The following KCMF1 variants were observed in gnomAD, a reference collection of about 807,000 sequenced individuals.
KCMF1 encodes E3 ubiquitin-protein ligase KCMF1.
Under a neutral mutation model 41.1 loss-of-function variants are expected in KCMF1, and 3 were observed. That is an observed-to-expected ratio of 0.07 (90% CI 0.03 to 0.19). The LOEUF is 0.19. Ranked by LOEUF, KCMF1 falls within the 10% of genes least tolerant of loss-of-function variation. The pLI is 1.00. For synonymous variants in KCMF1, 142 were observed against 164.5 expected, an observed-to-expected ratio of 0.86 and a Z score of 1.04; for missense variants, 286 against 488.9, an observed-to-expected ratio of 0.58 and a Z score of 3.91.
chr2:85,024,622 GAA>G (rs1456500213), intron 1 of KCMF1, among the ~76,000 whole-genome samples: 2 of 151,794 alleles, frequency 1.3e-5, no homozygotes, highest in Non-Finnish European at 2.9e-5. Flanking sequence ...GTGTGTGTGA[GAA>G]AGAGAAAGAT....
intron 5 of KCMF1, among the ~76,000 whole-genome samples, chr2:85,047,037 A>T (rs1277445069): frequency 6.6e-6 from 1 of 152,198 alleles, no homozygotes; most frequent in African/African-American, 2.4e-5. Context: ...TATGTATAGG[A>T]AAAAACATAG....
chr2:85,011,675 G>GCTGAC (rs746827062), intron 1 of KCMF1, among the ~76,000 whole-genome samples: 5 of 152,184 alleles, frequency 3.3e-5, no homozygotes, highest in Non-Finnish European at 7.3e-5. Context: ...CCAGAAAGAT[G>GCTGAC]CTGACCTCTT....
At chr2:85,047,346 G>A (rs1675693110) in intron 5 of KCMF1, among the ~76,000 whole-genome samples, 1 of 152,134 alleles carries the variant, frequency 6.6e-6, no homozygotes, top group Admixed American at 6.5e-5. Flanking sequence ...AACATGTTAT[G>A]TGTAAAATTC....
At chr2:84,974,760 C>T (rs1673502893) in intron 1 of KCMF1, among the ~76,000 whole-genome samples, 1 of 115,552 alleles carries the variant, frequency 8.7e-6, no homozygotes, top group Non-Finnish European at 1.6e-5. Flanking sequence ...GGCTAGGGTG[C>T]AGTGGCGTGA....
chr2:85,038,299 C>T (rs1002055307), intron 3 of KCMF1, among the ~76,000 whole-genome samples: 1 of 152,164 alleles, frequency 6.6e-6, no homozygotes, highest in Admixed American at 6.5e-5. Context: ...TCTAGTTGAA[C>T]AGTATGCTCA....
At position 85,059,156 on chromosome 2, in the gene KCMF1, C is replaced by T. The variant is rs1203638472; in HGVS notation, c.*5747C>T. On this transcript the variant is annotated 3_prime_UTR_variant, in exon 7 of 7. Coordinates refer to ENST00000409785, the MANE Select transcript of KCMF1 (RefSeq NM_020122.5). Reference sequence around the variant, plus strand: ...CCTTGAATCCATTTAATTTTGCCCACGAGAACCTTTCATGACAATTAACAA... The same window carrying T: ...CCTTGAATCCATTTAATTTTGCCCATGAGAACCTTTCATGACAATTAACAA... The T allele has an allele frequency of 2.0e-5, 3 of 152,120 alleles. No individual in the cohort carries two copies. The highest frequency in any genetic ancestry group is 4.4e-5 in the Non-Finnish European group (3 of 68,020). The allele number at this position is 152,120 out of a possible 1,614,324, so 9.4% of individuals were successfully genotyped here. A position where few individuals can be genotyped will look rare whatever the true frequency, so the allele number is the denominator to read the frequency against.
chr2:85,041,315 A>AT (rs1675528573), intron 3 of KCMF1, among the ~76,000 whole-genome samples: 2 of 152,182 alleles, frequency 1.3e-5, no homozygotes, highest in Non-Finnish European at 2.9e-5. Flanking sequence ...AAGGATCTTG[A>AT]TTTTATTTTA....
At position 85,053,628 on chromosome 2, in the gene KCMF1, T is replaced by C; in HGVS notation, c.*219T>C. 1.9e-6 allele frequency: 1 copy of C among 520,024 alleles called. No individual in the cohort carries two copies. The highest frequency in any genetic ancestry group is 3.4e-6 in the Non-Finnish European group (1 of 297,192). The allele number at this position is 520,024 out of a possible 1,614,324, so 32.2% of individuals were successfully genotyped here. A position where few individuals can be genotyped will look rare whatever the true frequency, so the allele number is the denominator to read the frequency against. On this transcript the variant is annotated 3_prime_UTR_variant, in exon 7 of 7. Transcript: ENST00000409785. ...AATGTAGGTAGCAGTGCAGGGGTGA[T>C]CTCTGCTTCCTGTACCTTGACATGC...
At chr2:84,974,028 A>G (rs1219330928) in intron 1 of KCMF1, among the ~76,000 whole-genome samples, 1 of 151,298 alleles carries the variant, frequency 6.6e-6, no homozygotes, top group African/African-American at 2.4e-5. Flanking sequence ...GGGTTTCATC[A>G]TGTTGGTCAG....
chr2:85,049,444 TACA>T lies in KCMF1; in HGVS notation c.686_688del (p.Gln229del). The T allele has an allele frequency of 6.2e-7, 1 of 1,614,030 alleles. No homozygotes were observed. Among genetic ancestry groups the T allele is most frequent in the Non-Finnish European group, 8.5e-7 (1 of 1,179,890 alleles). The stretch of plus-strand genomic sequence containing the variant: ...TCCTCTGGCCCTTCCGCTTCTCAGT[TACA>T]ACAACTGCAGATGCAGCTGCAGCTA... On this transcript the variant is annotated inframe_deletion, in exon 6 of 7. Coordinates refer to ENST00000409785, the MANE Select transcript of KCMF1 (RefSeq NM_020122.5).
At chr2:85,032,555 T>C (rs1396021379) in intron 2 of KCMF1, among the ~76,000 whole-genome samples, 1 of 152,060 alleles carries the variant, frequency 6.6e-6, no homozygotes, top group Non-Finnish European at 1.5e-5. Context: ...TTTTGTATTT[T>C]TAGTAGAGAC....
chr2:85,048,328 T>G (rs1425247683), intron 5 of KCMF1, among the ~76,000 whole-genome samples: 1 of 152,176 alleles, frequency 6.6e-6, no homozygotes, highest in African/African-American at 2.4e-5. Context: ...CACTAAAAAT[T>G]AAAGTAGTTT....
intron 1 of KCMF1, among the ~76,000 whole-genome samples, chr2:85,004,056 G>T (rs191290512): frequency 6.6e-6 from 1 of 152,228 alleles, no homozygotes; most frequent in East Asian, 1.9e-4. Flanking sequence ...GCACAGATAC[G>T]CCAAGCAAAG....
chr2:85,041,158 A>C (rs1390697599), intron 3 of KCMF1, among the ~76,000 whole-genome samples: 2 of 152,082 alleles, frequency 1.3e-5, no homozygotes, highest in African/African-American at 4.8e-5. Flanking sequence ...GTAGTTATGG[A>C]AGTTTGGTTG....
At chr2:84,976,811 G>A (rs1267576372) in intron 1 of KCMF1, among the ~76,000 whole-genome samples, 1 of 151,968 alleles carries the variant, frequency 6.6e-6, no homozygotes, top group Non-Finnish European at 1.5e-5. Context: ...TTTTTAAAAT[G>A]TAAAATACAA....
intron 1 of KCMF1, among the ~76,000 whole-genome samples, chr2:85,020,191 G>T (rs539045328): frequency 2.1e-4 from 32 of 152,236 alleles, no homozygotes; most frequent in African/African-American, 7.2e-4. Flanking sequence ...TTGCCAGTAG[G>T]CATCCCCACC....
At position 85,056,812 on chromosome 2, in the gene KCMF1, T is replaced by C. The variant is rs1200532598; in HGVS notation, c.*3403T>C. On this transcript the variant is annotated 3_prime_UTR_variant, in exon 7 of 7. Coordinates refer to ENST00000409785, the MANE Select transcript of KCMF1 (RefSeq NM_020122.5). ...AAGCCCTGCAGCCGTGTTTACTATA[T>C]ATGACATGCCTGTTTCTTAGTTTGC... The C allele has an allele frequency of 6.6e-6, 1 of 152,242 alleles. No homozygotes were observed. The highest frequency in any genetic ancestry group is 1.5e-5 in the Non-Finnish European group (1 of 68,056). 9.4% of individuals were successfully genotyped at this position (152,242 alleles called of 1,614,324 possible). A position where few individuals can be genotyped will look rare whatever the true frequency, so the allele number is the denominator to read the frequency against.
intron 1 of KCMF1, among the ~76,000 whole-genome samples, chr2:85,014,724 C>CGT (rs72066261): frequency 0.024 from 3,327 of 138,254 alleles, 82 homozygotes; most frequent in African/African-American, 0.067. Flanking sequence ...TGCGTGCGTG[C>CGT]GTGTGTGTGT....
intron 1 of KCMF1, among the ~76,000 whole-genome samples, chr2:84,996,949 G>A (rs564670945): frequency 6.6e-6 from 1 of 152,264 alleles, no homozygotes; most frequent in African/African-American, 2.4e-5. Context: ...ATGTTGGCCA[G>A]GCTAAGCTAT....
Sources: gnomAD v4.1 joint callset for allele counts (sites outside exome capture counted in the v4.1 genomes callset) on GRCh38, gnomAD v4.1.1 for gene constraint, MANE v1.5 for transcripts, NCBI Gene and HGNC (gene_info 2026-07-23, HGNC 2026-07-21) for gene names.